CNTN3: variants seen among roughly 807,000 people sequenced by gnomAD.
The protein encoded by CNTN3 is contactin-3.
A neutral mutation model predicts 119.1 loss-of-function variants in CNTN3; 60 were observed. The observed-to-expected ratio is 0.50, with a 90% CI of 0.41 to 0.62. The LOEUF is 0.62. Ranked by LOEUF, CNTN3 falls within the 20% of genes least tolerant of loss-of-function variation. The probability of loss-of-function intolerance (pLI) is 0.00; values close to 1 mark genes in which losing one functional copy is unlikely to be tolerated. For missense variants in CNTN3, 1,101 were observed against 1,242.4 expected (o/e 0.89, Z 1.71); for synonymous variants, 450 against 438.7 (o/e 1.03, Z -0.32).
chr3:74,305,659 T>A (rs532151225), intron 13 of CNTN3, among the ~76,000 whole-genome samples: 15 of 151,638 alleles, frequency 9.9e-5, no homozygotes, highest in African/African-American at 3.4e-4. Flanking sequence ...TATTTGATCA[T>A]GACCGATCAT....
intron 1 of CNTN3, among the ~76,000 whole-genome samples, chr3:74,570,443 C>T (rs1704294807): frequency 6.6e-6 from 1 of 150,778 alleles, no homozygotes. Flanking sequence ...CTCTTGATTT[C>T]TCTCAACCCT....
Position 74,285,372 on chromosome 3 carries a change from G to A in CNTN3, c.2637C>T (p.Val879=), listed in dbSNP as rs1434846454. Residue 879 remains valine, a synonymous_variant, in exon 20 of 23, where the codon GTC becomes GTT. Transcript: ENST00000263665. ...LKSNLAYYTA[V]RAYNSAGAGP... ...CAGCGCCGGCACTGTTGTAAGCCCG[G>A]ACAGCCGTGTAATAGGCCAGGTTGC... 2 of 1,613,542 alleles carry A rather than the reference G, an allele frequency of 1.2e-6. No individual in the cohort carries two copies. Among genetic ancestry groups the A allele is most frequent in the South Asian group, 1.1e-5 (1 of 91,014 alleles).
At chr3:74,493,229 A>G (rs1422788144) in intron 3 of CNTN3, among the ~76,000 whole-genome samples, 1 of 152,170 alleles carries the variant, frequency 6.6e-6, no homozygotes, top group Non-Finnish European at 1.5e-5. Context: ...CATTGCTATA[A>G]TTTAAAGCAG....
At chr3:74,336,847 C>T (rs926711194) in intron 11 of CNTN3, among the ~76,000 whole-genome samples, 189 bp from the exon 12 acceptor site, 21 of 151,478 alleles carry the variant, frequency 1.4e-4, no homozygotes, top group East Asian at 1.9e-4. Context: ...CATAAACACA[C>T]GCACAGCATT....
Position 74,369,442 on chromosome 3 carries a change from T to C in CNTN3, c.762-69A>G, listed in dbSNP as rs147029965. On this transcript the variant is annotated intron_variant, in intron 7 of 22. Transcript: ENST00000263665. ...TTTTCAACTTGAGAAAATAAAGCTT[T>C]TAAGATTGAACAAGAAGGCACAGGA... 3.2e-4 allele frequency: 419 copies of C among 1,293,792 alleles called. 1 individual carries two copies. The East Asian group carries it at 0.01, about 31-fold the overall frequency. 80.1% of individuals were successfully genotyped at this position (1,293,792 alleles called of 1,614,324 possible). A position where few individuals can be genotyped will look rare whatever the true frequency, so the allele number is the denominator to read the frequency against.
At chr3:74,484,349 CAAAAGAATACA>C (rs1227034133) in intron 4 of CNTN3, among the ~76,000 whole-genome samples, 11 of 151,744 alleles carry the variant, frequency 7.2e-5, no homozygotes, top group South Asian at 4.1e-4. Context: ...ACTGTATCTT[CAAAAGAATACA>C]AAAAGAATAC....
At chr3:74,564,576 T>C (rs1704200053) in intron 1 of CNTN3, among the ~76,000 whole-genome samples, 1 of 150,132 alleles carries the variant, frequency 6.7e-6, no homozygotes, top group African/African-American at 2.5e-5. Context: ...ATGAAGGATC[T>C]AGTAGGCACA....
chr3:74,540,404 T>C (rs1231377525), intron 1 of CNTN3, among the ~76,000 whole-genome samples: 1 of 152,138 alleles, frequency 6.6e-6, no homozygotes, highest in Non-Finnish European at 1.5e-5. Context: ...TTGGTCTGAT[T>C]TGGGCACTTA....
At chr3:74,429,354 C>T (rs1701746623) in intron 4 of CNTN3, among the ~76,000 whole-genome samples, 1 of 151,276 alleles carries the variant, frequency 6.6e-6, no homozygotes, top group South Asian at 2.1e-4. Flanking sequence ...CACATAGATC[C>T]ATACAGCAAA....
At position 74,301,798 on chromosome 3, in the gene CNTN3, A is replaced by C. The variant is rs774504705; in HGVS notation, c.1794T>G (p.Pro598=). 2 of 1,613,796 alleles carry C rather than the reference A, an allele frequency of 1.2e-6. No individual in the cohort carries two copies. Among genetic ancestry groups the C allele is most frequent in the African/African-American group, 1.3e-5 (1 of 74,918 alleles). ...SAADLIVRGS[P]GPPENVKVDE... ...CTACCTTCACATTTTCTGGTGGTCC[A>C]GGTGAACCTAAGGAAGGCACAAATG... Residue 598 remains proline (P), a synonymous_variant, in exon 15 of 23, where the codon CCT becomes CCG. Coordinates refer to ENST00000263665, the MANE Select transcript of CNTN3 (RefSeq NM_020872.3).
Position 74,264,232 on chromosome 3 carries a change from T to C in CNTN3, c.*169A>G. 2.3e-6 allele frequency: 1 copy of C among 429,764 alleles called. No homozygotes were observed. The highest frequency in any genetic ancestry group is 3.6e-5 in the East Asian group (1 of 28,158). The allele number at this position is 429,764 out of a possible 1,614,324, so 26.6% of individuals were successfully genotyped here. On this transcript the variant is annotated 3_prime_UTR_variant, in exon 23 of 23. Transcript: ENST00000263665. Reference sequence around the variant, plus strand: ...CAAGTTAATATTAAGGCATTTCAGATTCCCCTAAAAGGATTTACTGTTTTT... The same window carrying C: ...CAAGTTAATATTAAGGCATTTCAGACTCCCCTAAAAGGATTTACTGTTTTT...
chr3:74,465,300 C>A (rs1037326849), intron 4 of CNTN3, among the ~76,000 whole-genome samples: 2 of 152,034 alleles, frequency 1.3e-5, no homozygotes, highest in South Asian at 2.1e-4. Context: ...AAGTATCGTG[C>A]GGACAGGTAG....
chr3:74,326,141 T>C (rs1703125535), intron 13 of CNTN3, among the ~76,000 whole-genome samples: 1 of 152,158 alleles, frequency 6.6e-6, no homozygotes, highest in Non-Finnish European at 1.5e-5. Context: ...CTGTCTGTCA[T>C]TATATCTCTC....
At chr3:74,531,082 G>A (rs1456886469) in intron 1 of CNTN3, among the ~76,000 whole-genome samples, 1 of 151,960 alleles carries the variant, frequency 6.6e-6, no homozygotes, top group Non-Finnish European at 1.5e-5. Flanking sequence ...GGTGAGCTAG[G>A]TGAGAAAAGA....
At chr3:74,440,937 C>T (rs938073170) in intron 4 of CNTN3, among the ~76,000 whole-genome samples, 2 of 152,124 alleles carry the variant, frequency 1.3e-5, no homozygotes, top group African/African-American at 4.8e-5. Context: ...ATGTCAGGGA[C>T]ATGAGCATCC....
At chr3:74,476,678 A>G (rs555139309) in intron 4 of CNTN3, among the ~76,000 whole-genome samples, 1 of 152,314 alleles carries the variant, frequency 6.6e-6, no homozygotes, top group East Asian at 1.9e-4. Flanking sequence ...ACAAAGGAAA[A>G]TGAGAGAGGG....
chr3:74,350,945 A>G (rs1703798974), intron 11 of CNTN3, among the ~76,000 whole-genome samples: 1 of 152,138 alleles, frequency 6.6e-6, no homozygotes, highest in Non-Finnish European at 1.5e-5. Context: ...AAGCAGGGAG[A>G]CCAGGATTGA....
intron 4 of CNTN3, among the ~76,000 whole-genome samples, chr3:74,480,994 A>G (rs1702753442): frequency 6.6e-6 from 1 of 151,908 alleles, no homozygotes; most frequent in South Asian, 2.1e-4. Flanking sequence ...TAAAAATCAG[A>G]CCGTATTAAT....
chr3:74,364,007 G>C (rs1300994007), intron 10 of CNTN3, among the ~76,000 whole-genome samples: 3 of 152,124 alleles, frequency 2.0e-5, no homozygotes, highest in Non-Finnish European at 4.4e-5. Flanking sequence ...ATTTCAAGCA[G>C]TGGAGCCTTG....
Sources: allele counts gnomAD v4.1 joint callset (sites outside exome capture counted in the v4.1 genomes callset), GRCh38; gene constraint gnomAD v4.1.1; transcripts MANE v1.5; gene names NCBI Gene and HGNC (gene_info 2026-07-23, HGNC 2026-07-21).